Variants in GPC3 observed in about 807,000 individuals in gnomAD.
GPC3 encodes glypican 3, also known as glypican-3.
Under a neutral mutation model 34.4 loss-of-function variants are expected in GPC3, and 3 were observed. The ratio of observed to expected loss-of-function variants is 0.09; its 90% confidence interval spans 0.04 to 0.23. The LOEUF (loss-of-function observed/expected upper bound fraction) is 0.23, where lower values mean the gene tolerates loss of function less well. GPC3 is among the 10% of genes least tolerant of loss of function. The pLI, the probability that GPC3 is intolerant of heterozygous loss-of-function variation, is 1.00. For missense variants in GPC3, 351 were observed against 445.6 expected, an observed-to-expected ratio of 0.79 and a Z score of 1.91; for synonymous variants, 177 against 174.0, an observed-to-expected ratio of 1.02 and a Z score of -0.13.
At chrX:133,713,307 A>G (rs1238335794) in intron 3 of GPC3, among the ~76,000 whole-genome samples, 1 of 112,294 alleles carries the variant, frequency 8.9e-6, no homozygotes, top group Non-Finnish European at 1.9e-5. Context: ...TGGTGGGTAA[A>G]ACTGCTTGCA....
intron 7 of GPC3, among the ~76,000 whole-genome samples, chrX:133,586,610 T>C (rs937909046): frequency 3.6e-5 from 4 of 111,510 alleles, no homozygotes; most frequent in African/African-American, 6.5e-5. Context: ...AAACAAAACA[T>C]AACTAGCTGT....
intron 2 of GPC3, among the ~76,000 whole-genome samples, chrX:133,890,567 T>TA (rs918369991): frequency 1.8e-5 from 2 of 108,521 alleles, no homozygotes; most frequent in East Asian, 2.9e-4. Context: ...AAAATAAAAA[T>TA]AAAAAAAAGG....
intron 2 of GPC3, among the ~76,000 whole-genome samples, chrX:133,831,608 T>C (rs951001451): frequency 8.9e-6 from 1 of 111,934 alleles, no homozygotes; most frequent in Non-Finnish European, 1.9e-5. Context: ...TGCATGTCTC[T>C]AATCCCAGCT....
At chrX:133,900,264 A>T (rs1276517704) in intron 2 of GPC3, among the ~76,000 whole-genome samples, 1 of 112,725 alleles carries the variant, frequency 8.9e-6, no homozygotes, top group Non-Finnish European at 1.9e-5. Flanking sequence ...TTTGAATGTT[A>T]AATGTTGAAT....
intron 2 of GPC3, among the ~76,000 whole-genome samples, chrX:133,779,564 T>C (rs193164051): frequency 1.8e-5 from 2 of 112,071 alleles, no homozygotes; most frequent in African/African-American, 6.5e-5. Flanking sequence ...TAGAACACTG[T>C]CTGGCATATA....
chrX:133,768,560 A>C (rs1239919458), intron 2 of GPC3, among the ~76,000 whole-genome samples: 1 of 111,332 alleles, frequency 9.0e-6, no homozygotes, highest in African/African-American at 3.3e-5. Flanking sequence ...AGAGATACCC[A>C]CACTCCCATG....
chrX:133,623,503 T>G (rs2070256740), intron 6 of GPC3, among the ~76,000 whole-genome samples: 1 of 111,373 alleles, frequency 9.0e-6, no homozygotes, highest in Non-Finnish European at 1.9e-5. Context: ...AGGCAGGGGT[T>G]GCAATCCTAA....
chrX:133,546,503 CAAAT>C (rs1439154516), intron 7 of GPC3, among the ~76,000 whole-genome samples: 2 of 109,817 alleles, frequency 1.8e-5, no homozygotes, highest in Admixed American at 2.0e-4. Context: ...CCAGCATAAA[CAAAT>C]AGAGAGAGAG....
At chrX:133,847,438 G>A (rs979396985) in intron 2 of GPC3, among the ~76,000 whole-genome samples, 1 of 112,139 alleles carries the variant, frequency 8.9e-6, no homozygotes, top group Admixed American at 9.5e-5. Context: ...AGGTCCCACT[G>A]CGCATGCACT....
intron 2 of GPC3, among the ~76,000 whole-genome samples, chrX:133,847,073 T>A (rs1323087792): frequency 8.9e-6 from 1 of 111,942 alleles, no homozygotes; most frequent in African/African-American, 3.2e-5. Flanking sequence ...CCAATCAAAT[T>A]ATATGTATAC....
chrX:133,682,918 A>G (rs1045675869), intron 5 of GPC3, among the ~76,000 whole-genome samples: 1 of 107,355 alleles, frequency 9.3e-6, no homozygotes, highest in African/African-American at 3.4e-5. Flanking sequence ...GGTGAGTCAA[A>G]ATTGTGCCAC....
At chrX:133,873,231 T>C (rs1183427407) in intron 2 of GPC3, among the ~76,000 whole-genome samples, 1 of 112,029 alleles carries the variant, frequency 8.9e-6, no homozygotes, top group African/African-American at 3.2e-5. Context: ...AGAAGTTTAC[T>C]ACAAAAGTTA....
At chrX:133,840,381 G>C (rs1433976925) in intron 2 of GPC3, among the ~76,000 whole-genome samples, 1 of 111,013 alleles carries the variant, frequency 9.0e-6, no homozygotes, top group Non-Finnish European at 1.9e-5. Flanking sequence ...ATTACAAAGA[G>C]ATTTTGAGTA....
At chrX:133,708,370 TTA>T (rs1232519525) in intron 3 of GPC3, among the ~76,000 whole-genome samples, 1 of 112,115 alleles carries the variant, frequency 8.9e-6, no homozygotes, top group Non-Finnish European at 1.9e-5. Context: ...TTTTGCAGCT[TTA>T]TGATTGATGC....
intron 3 of GPC3, among the ~76,000 whole-genome samples, chrX:133,734,577 G>A (rs2071492221): frequency 9.1e-6 from 1 of 109,746 alleles, no homozygotes; most frequent in South Asian, 3.9e-4. Flanking sequence ...GAAAAAAAAA[G>A]AGAGAAGGAA....
intron 2 of GPC3, among the ~76,000 whole-genome samples, chrX:133,926,783 T>G (rs186662043): frequency 2.5e-5 from 1 of 40,489 alleles, no homozygotes; most frequent in African/African-American, 8.6e-5. Flanking sequence ...CCGTCCCCCC[T>G]CCGCCCCCCT....
chrX:133,600,202 T>G, intron 6 of GPC3, among the ~76,000 whole-genome samples: 1 of 112,088 alleles, frequency 8.9e-6, no homozygotes, highest in Non-Finnish European at 1.9e-5. Context: ...TGAAGCAAAA[T>G]GAAGTGTTAT....
chrX:133,536,930 C>A (rs1195519936), intron 7 of GPC3, among the ~76,000 whole-genome samples: 1 of 111,494 alleles, frequency 9.0e-6, no homozygotes, highest in Non-Finnish European at 1.9e-5. Context: ...AAAAAGAATC[C>A]TCGCAAAAAA....
At chrX:133,684,745 T>C (rs984260823) in intron 5 of GPC3, among the ~76,000 whole-genome samples, 4 of 111,345 alleles carry the variant, frequency 3.6e-5, no homozygotes, top group African/African-American at 1.3e-4. Context: ...CAACAAATAA[T>C]AACTTATTTT....
Sources: gnomAD v4.1 joint callset for allele counts (sites outside exome capture counted in the v4.1 genomes callset) on GRCh38, gnomAD v4.1.1 for gene constraint, MANE v1.5 for transcripts, NCBI Gene and HGNC (gene_info 2026-07-23, HGNC 2026-07-21) for gene names.